Variants in SMC1B observed in about 807,000 individuals in gnomAD.
SMC1B encodes the protein structural maintenance of chromosomes 1B, also known as structural maintenance of chromosomes protein 1B.
A neutral mutation model predicts 157.9 loss-of-function variants in SMC1B; 60 were observed. The ratio of observed to expected loss-of-function variants is 0.38; its 90% confidence interval spans 0.31 to 0.47. The LOEUF (loss-of-function observed/expected upper bound fraction) is 0.47. Among genes scored for constraint, SMC1B ranks in the 20% least tolerant of loss-of-function variants. The pLI is 0.99. For synonymous variants in SMC1B, 445 were observed against 483.0 expected, an observed-to-expected ratio of 0.92 and a Z score of 1.03; for missense variants, 1,165 against 1,426.2, an observed-to-expected ratio of 0.82 and a Z score of 2.95.
chr22:45,348,556 G>A (rs1443255278), intron 23 of SMC1B, among the ~76,000 whole-genome samples: 1 of 152,198 alleles, frequency 6.6e-6, no homozygotes, highest in African/African-American at 2.4e-5. Context: ...GATTTGGTGA[G>A]AAACCTGTTA....
intron 24 of SMC1B, among the ~76,000 whole-genome samples, 191 bp from the exon 25 acceptor site, chr22:45,344,848 A>G (rs551413630): frequency 5.9e-5 from 9 of 152,292 alleles, no homozygotes; most frequent in Admixed American, 1.3e-4. Flanking sequence ...CTCATGCATT[A>G]TATTTCCAGG....
At chr22:45,345,823 A>T (rs1468296903) in intron 23 of SMC1B, among the ~76,000 whole-genome samples, 1 of 152,232 alleles carries the variant, frequency 6.6e-6, no homozygotes, top group Non-Finnish European at 1.5e-5. Flanking sequence ...AGATACTGTG[A>T]TGTGAATAGG....
intron 19 of SMC1B, among the ~76,000 whole-genome samples, chr22:45,357,840 A>G (rs536138403): frequency 6.6e-6 from 1 of 152,306 alleles, no homozygotes; most frequent in East Asian, 1.9e-4. Flanking sequence ...TGAGAGGGGC[A>G]TCTTTTATTA....
intron 23 of SMC1B, among the ~76,000 whole-genome samples, chr22:45,348,589 C>A (rs1279652191): frequency 6.6e-6 from 1 of 152,162 alleles, no homozygotes; most frequent in Non-Finnish European, 1.5e-5. Flanking sequence ...CATTGTTGAT[C>A]AAGTACAGTG....
At chr22:45,412,498 CTTTTTTTTT>C (rs56894434) in intron 1 of SMC1B, among the ~76,000 whole-genome samples, 4 of 65,414 alleles carry the variant, frequency 6.1e-5, no homozygotes, top group African/African-American at 1.4e-4. Context: ...CGCGCCCAGC[CTTTTTTTTT>C]TTTTTTTTTT....
chr22:45,390,027 TAG>T (rs553022512), intron 9 of SMC1B, 130 bp from the exon 10 acceptor site: 48 of 712,770 alleles, frequency 6.7e-5, no homozygotes, highest in South Asian at 4.3e-4. Flanking sequence ...TCATAATTAA[TAG>T]AGTTTTATTC....
intron 22 of SMC1B, among the ~76,000 whole-genome samples, chr22:45,350,672 T>A (rs1056050974): frequency 1.3e-5 from 2 of 152,090 alleles, no homozygotes; most frequent in Admixed American, 6.5e-5. Context: ...AAAGCAAACT[T>A]CTCCCCTGCC....
intron 19 of SMC1B, 86 bp from the exon 20 acceptor site, chr22:45,355,201 A>C: frequency 7.4e-7 from 1 of 1,352,926 alleles, no homozygotes; most frequent in South Asian, 1.3e-5. Flanking sequence ...GCACTTCACC[A>C]TCCCAGGTCC....
At chr22:45,362,777 C>T in intron 16 of SMC1B, 108 bp downstream of exon 16, 1 of 881,686 alleles carries the variant, frequency 1.1e-6, no homozygotes, top group African/African-American at 1.7e-5. Context: ...TAAATCTGTC[C>T]CCAACCCCTT....
intron 12 of SMC1B, among the ~76,000 whole-genome samples, chr22:45,374,286 A>C (rs2086864160): frequency 6.6e-6 from 1 of 152,010 alleles, no homozygotes; most frequent in Non-Finnish European, 1.5e-5. Context: ...GATTTATAGA[A>C]AAAAAAACAA....
At chr22:45,372,716 CT>C (rs136574) in intron 12 of SMC1B, among the ~76,000 whole-genome samples, 99 of 123,502 alleles carry the variant, frequency 8.0e-4, no homozygotes, top group Non-Finnish European at 9.5e-4. Flanking sequence ...GACTCCAGGT[CT>C]TTTTTTTTTT....
intron 2 of SMC1B, among the ~76,000 whole-genome samples, chr22:45,408,392 T>C (rs980799284): frequency 6.6e-6 from 1 of 152,222 alleles, no homozygotes; most frequent in Non-Finnish European, 1.5e-5. Flanking sequence ...CCCAAAGTGC[T>C]GGGATTACAG....
Position 45,353,923 on chromosome 22 carries a change from A to C in SMC1B, c.3273+55T>G, listed in dbSNP as rs201344425. 3.0e-5 allele frequency: 31 copies of C among 1,036,864 alleles called. 4 individuals carry two copies. Among genetic ancestry groups the C allele is most frequent in the Non-Finnish European group, 3.7e-5 (27 of 725,674 alleles). 64.2% of individuals were successfully genotyped at this position (1,036,864 alleles called of 1,614,324 possible). On this transcript the variant is annotated intron_variant, in intron 21 of 24. Transcript: ENST00000357450. The stretch of plus-strand genomic sequence containing the variant: ...AAAAAAAAAAAAAAAAAAAAAAACA[A>C]CCACCACCGGTAACACAGAATTCTC...
chr22:45,404,549 G>A (rs1171636964), intron 4 of SMC1B, among the ~76,000 whole-genome samples: 1 of 152,154 alleles, frequency 6.6e-6, no homozygotes, highest in East Asian at 1.9e-4. Flanking sequence ...GCTACCTGGA[G>A]GCTTCCTGTG....
chr22:45,364,084 A>G (rs1232599129), intron 15 of SMC1B, among the ~76,000 whole-genome samples: 1 of 152,100 alleles, frequency 6.6e-6, no homozygotes, highest in Non-Finnish European at 1.5e-5. Context: ...CCTGACCTCA[A>G]GTGATCCACC....
rs74857566 is a variant in SMC1B, at chr22:45,381,909, T to C, written c.2058+1558A>G. Among the ~76,000 whole-genome samples the C allele has an allele frequency of 4.5e-3, 688 of 152,256 alleles. 5 individuals are homozygous for C. Among genetic ancestry groups the C allele is most frequent in the Middle Eastern group, 0.017 (5 of 294 alleles). On this transcript the variant is annotated intron_variant, in intron 12 of 24. Transcript: ENST00000357450. ...GAATCAACCAAGGAAGAAAACTAAA[T>C]AGAAACAATAAATAAATAATCTGAA...
At chr22:45,403,660 T>C (rs576776222) in intron 4 of SMC1B, among the ~76,000 whole-genome samples, 1 of 152,220 alleles carries the variant, frequency 6.6e-6, no homozygotes, top group African/African-American at 2.4e-5. Context: ...GGTCTCACTA[T>C]GTTGCCCAGG....
chr22:45,408,843 AT>A lies in SMC1B; in HGVS notation c.164del (p.Asn55IlefsTer2). 6.4e-7 allele frequency: 1 copy of A among 1,568,604 alleles called. No homozygotes were observed. The highest frequency in any genetic ancestry group is 8.6e-7 in the Non-Finnish European group (1 of 1,163,112). ...LSFVMGEKIANLRVKNIQELI... is the reference protein window; with the variant it reads ...LSFVMGEKIAXLRVKNIQELI... ...GTTCTTGAATATTTTTCACTCTTAA[AT>A]TAGCTATTTTCTCTCCCATTACAAA... On this transcript the variant is annotated frameshift_variant, in exon 2 of 25. Coordinates refer to ENST00000357450, the MANE Select transcript of SMC1B (RefSeq NM_148674.5). LOFTEE classifies it high-confidence loss of function.
chr22:45,404,851 T>C (rs1033584458), intron 4 of SMC1B, among the ~76,000 whole-genome samples: 1 of 152,246 alleles, frequency 6.6e-6, no homozygotes, highest in Non-Finnish European at 1.5e-5. Context: ...TCACAGGCCA[T>C]GGTCACTCAT....
Sources: gnomAD v4.1 joint callset for allele counts (sites outside exome capture counted in the v4.1 genomes callset) on GRCh38, gnomAD v4.1.1 for gene constraint, MANE v1.5 for transcripts, NCBI Gene and HGNC (gene_info 2026-07-23, HGNC 2026-07-21) for gene names.